BBS7: variants seen among roughly 807,000 people sequenced by gnomAD.
BBS7 encodes BBSome complex member BBS7.
A neutral mutation model predicts 90.3 loss-of-function variants in BBS7; 50 were observed. That is an observed-to-expected ratio of 0.55 (90% CI 0.44 to 0.70). BBS7 has a LOEUF of 0.70. Ranked by LOEUF, BBS7 falls within the 30% of genes least tolerant of loss-of-function variation. The pLI, the probability that BBS7 is intolerant of heterozygous loss-of-function variation, is 0.00. For missense variants in BBS7, 729 were observed against 838.9 expected (o/e 0.87, Z 1.62); for synonymous variants, 235 against 287.4 (o/e 0.82, Z 1.85).
chr4:121,854,769 A>C lies in BBS7; in HGVS notation c.653T>G (p.Leu218Arg), dbSNP rs752476848. The C allele has an allele frequency of 6.2e-7, 1 of 1,612,774 alleles. No homozygotes were observed. The highest frequency in any genetic ancestry group is 1.3e-5 in the African/African-American group (1 of 74,884). The change falls in exon 7 of 19, where the codon CTT becomes CGT. Residue 218 changes from leucine to arginine, a missense_variant. Leu to Arg is a moderately radical substitution (Grantham distance 102, BLOSUM62 -2). Coordinates refer to ENST00000264499, the MANE Select transcript of BBS7 (RefSeq NM_176824.3). ...TGGTTTGGATGTAGTAATCTGTATA[A>C]GCGCAAGTTTTCCGTCTGATGTCCC... ...LFGTSDGKLA[L>R]IQITTSKPVR...
intron 5 of BBS7, among the ~76,000 whole-genome samples, chr4:121,856,958 A>G (rs1473093583): frequency 6.6e-6 from 1 of 151,952 alleles, no homozygotes; most frequent in Non-Finnish European, 1.5e-5. Flanking sequence ...TAGTAGAGAC[A>G]AAGTTTCACC....
chr4:121,858,339 C>A (rs1726793478), intron 5 of BBS7, among the ~76,000 whole-genome samples: 1 of 150,738 alleles, frequency 6.6e-6, no homozygotes, highest in African/African-American at 2.5e-5. Context: ...ATGCTATTTA[C>A]CTTTAAACAT....
chr4:121,853,790 A>G (rs573000409), intron 7 of BBS7, among the ~76,000 whole-genome samples: 106 of 151,990 alleles, frequency 7.0e-4, no homozygotes, highest in African/African-American at 2.2e-3. Flanking sequence ...CAATTTTCTA[A>G]TGACTTCCTA....
intron 9 of BBS7, 52 bp downstream of exon 9, chr4:121,848,792 A>G (rs1726147319): frequency 1.4e-6 from 2 of 1,452,666 alleles, no homozygotes; most frequent in East Asian, 4.6e-5. Flanking sequence ...ATTAAATTTA[A>G]TTTTTTTTGT....
chr4:121,846,554 TAG>T (rs1252851537), intron 10 of BBS7, among the ~76,000 whole-genome samples: 1 of 152,094 alleles, frequency 6.6e-6, no homozygotes, highest in Non-Finnish European at 1.5e-5. Flanking sequence ...CAAGAAATGG[TAG>T]ACTTGGTTAT....
At chr4:121,843,807 A>C in intron 12 of BBS7, 120 bp downstream of exon 12, 1 of 720,428 alleles carries the variant, frequency 1.4e-6, no homozygotes, top group Non-Finnish European at 2.4e-6. Context: ...TTTGAAGGAA[A>C]GGTTACATAA....
intron 11 of BBS7, among the ~76,000 whole-genome samples, chr4:121,845,300 G>A (rs188777471): frequency 2.6e-4 from 39 of 152,034 alleles, no homozygotes; most frequent in Admixed American, 2.3e-3. Flanking sequence ...CCTGGGAGTC[G>A]GAGGTTACAG....
intron 18 of BBS7, chr4:121,827,630 C>T (rs1724972500): frequency 3.0e-6 from 1 of 335,548 alleles, no homozygotes; most frequent in Non-Finnish European, 4.2e-6. Context: ...CTCCTTCTTT[C>T]CCTCTCCTCA....
chr4:121,830,100 A>T (rs1284745627), intron 15 of BBS7, among the ~76,000 whole-genome samples: 1 of 152,244 alleles, frequency 6.6e-6, no homozygotes, highest in Non-Finnish European at 1.5e-5. Context: ...AACTAGCTAT[A>T]TGCAAATGAT....
Position 121,825,985 on chromosome 4 carries a change from T to C in BBS7, c.2023A>G (p.Thr675Ala), listed in dbSNP as rs1724887164. 1 of 1,597,476 alleles carries C rather than the reference T, an allele frequency of 6.3e-7. No homozygotes were observed. The highest frequency in any genetic ancestry group is 1.3e-5 in the African/African-American group (1 of 74,604). ...TTAAATTTATCTATGAAAAGATCAG[T>C]GATCATGCCTTTAAAGAAAAAACAT... is the stretch of plus-strand genomic sequence containing the variant. Reference protein sequence around the residue: ...AHLERLYGMITDLFIDKFKFK... With the variant: ...AHLERLYGMIADLFIDKFKFK... Residue 675 changes from threonine to alanine, a missense_variant, in exon 19 of 19, where the codon ACT (threonine) becomes GCT (alanine). By Grantham distance (58) the Thr-to-Ala change is moderately conservative. Coordinates refer to ENST00000264499, the MANE Select transcript of BBS7 (RefSeq NM_176824.3).
chr4:121,853,357 C>CGA (rs1726426286), intron 7 of BBS7, among the ~76,000 whole-genome samples: 1 of 152,114 alleles, frequency 6.6e-6, no homozygotes, highest in Non-Finnish European at 1.5e-5. Flanking sequence ...TATCTTCTCA[C>CGA]AGACATCTGC....
chr4:121,867,317 T>G (rs959137167), intron 2 of BBS7, among the ~76,000 whole-genome samples: 1 of 152,168 alleles, frequency 6.6e-6, no homozygotes, highest in Non-Finnish European at 1.5e-5. Flanking sequence ...AAGAGTTTTT[T>G]GGTAGAGTCT....
intron 11 of BBS7, among the ~76,000 whole-genome samples, chr4:121,844,830 G>A (rs1042321617): frequency 2.0e-5 from 3 of 151,422 alleles, no homozygotes; most frequent in African/African-American, 7.3e-5. Context: ...TAATGTTTGG[G>A]GCTTTAAAAA....
At chr4:121,826,722 G>A (rs951467374) in intron 18 of BBS7, among the ~76,000 whole-genome samples, 1 of 152,162 alleles carries the variant, frequency 6.6e-6, no homozygotes, top group Non-Finnish European at 1.5e-5. Flanking sequence ...GGTGGCTCAT[G>A]CCTGTAATCC....
chr4:121,850,802 C>T (rs1012623706), intron 8 of BBS7, among the ~76,000 whole-genome samples: 71 of 152,144 alleles, frequency 4.7e-4, no homozygotes, highest in Admixed American at 3.9e-3. Context: ...CAACAAAATT[C>T]TAGTACTCTT....
At chr4:121,863,529 A>G (rs1727098467) in intron 2 of BBS7, among the ~76,000 whole-genome samples, 1 of 152,162 alleles carries the variant, frequency 6.6e-6, no homozygotes, top group African/African-American at 2.4e-5. Context: ...AACACAATAT[A>G]TTTTGTTTTG....
Position 121,825,766 on chromosome 4 carries a change from G to T in BBS7, c.*94C>A. ...TATTTTTAGATATAAAAAAGCATTT[G>T]AAATTAAAGTACATACACAGTTAAC... On this transcript the variant is annotated 3_prime_UTR_variant, in exon 19 of 19. Coordinates refer to ENST00000264499, the MANE Select transcript of BBS7 (RefSeq NM_176824.3). The T allele has an allele frequency of 7.9e-7, 1 of 1,265,906 alleles. No homozygotes were observed. Among genetic ancestry groups the T allele is most frequent in the Non-Finnish European group, 1.1e-6 (1 of 917,264 alleles). The allele number at this position is 1,265,906 out of a possible 1,614,324, so 78.4% of individuals were successfully genotyped here.
rs1480281788 is a variant in BBS7 at position 121,861,604 on chromosome 4, T to C, written c.241A>G (p.Lys81Glu). Residue 81 changes from lysine to glutamate, a missense_variant, in exon 4 of 19, where the codon AAA (lysine) becomes GAA (glutamate). Coordinates refer to ENST00000264499, the MANE Select transcript of BBS7 (RefSeq NM_176824.3). ...TCAGATGCTGCAGCAATAAAAATTT[T>C]CTCCTGAGGTGTGTTGATAACCCCT... is the stretch of plus-strand genomic sequence containing the variant. ...LGGVINTPQE[K>E]IFIAAASEIR... 11 of 1,613,764 alleles carry C rather than the reference T, an allele frequency of 6.8e-6. No homozygotes were observed. Among genetic ancestry groups the C allele is most frequent in the Non-Finnish European group, 9.3e-6 (11 of 1,179,838 alleles).
At chr4:121,842,378 T>C (rs1482242026) in intron 12 of BBS7, among the ~76,000 whole-genome samples, 2 of 152,114 alleles carry the variant, frequency 1.3e-5, no homozygotes, top group Admixed American at 6.6e-5. Flanking sequence ...CTCATGCTTA[T>C]AATCCCAGCA....
Sources: gnomAD v4.1 joint callset for allele counts (sites outside exome capture counted in the v4.1 genomes callset) on GRCh38, gnomAD v4.1.1 for gene constraint, MANE v1.5 for transcripts, NCBI Gene and HGNC (gene_info 2026-07-23, HGNC 2026-07-21) for gene names.